ZNF106: variants seen among roughly 807,000 people sequenced by gnomAD.
The protein encoded by ZNF106 is zinc finger protein 106.
In ZNF106, 67 loss-of-function variants were observed where a neutral mutation model predicts 195.1. The ratio of observed to expected loss-of-function variants is 0.34; its 90% CI spans 0.28 to 0.42. The LOEUF is 0.42. ZNF106 is among the 10% of genes least tolerant of loss of function. ZNF106 has a pLI of 1.00. For synonymous variants in ZNF106, 784 were observed against 818.6 expected (o/e 0.96, Z 0.72); for missense variants, 2,118 against 2,304.5 (o/e 0.92, Z 1.66).
chr15:42,430,950 T>G (rs570584130), intron 14 of ZNF106, among the ~76,000 whole-genome samples: 1 of 152,002 alleles, frequency 6.6e-6, no homozygotes, highest in Non-Finnish European at 1.5e-5. Flanking sequence ...CAGCCTCTTT[T>G]TCTAGTTTCT....
chr15:42,418,357 CTTTT>C (rs540271844), intron 20 of ZNF106, among the ~76,000 whole-genome samples: 14 of 122,868 alleles, frequency 1.1e-4, no homozygotes, highest in Admixed American at 1.6e-4. Context: ...ATCGAAAGGG[CTTTT>C]TTTTTTTTTT....
chr15:42,485,937 A>C (rs1466520277), intron 1 of ZNF106, among the ~76,000 whole-genome samples: 1 of 151,424 alleles, frequency 6.6e-6, no homozygotes, highest in Non-Finnish European at 1.5e-5. Flanking sequence ...AATTAGGCAA[A>C]TATCCTGTTT....
Position 42,425,013 on chromosome 15 carries a change from G to C in ZNF106, c.5011C>G (p.Leu1671Val). Residue 1671 changes from leucine (L) to valine (V), a missense_variant, in exon 16 of 22, where the codon CTT becomes GTT. Physicochemically the swap from Leu to Val is conservative, Grantham distance 32. Coordinates refer to ENST00000564754, the MANE Select transcript of ZNF106 (RefSeq NM_001366845.3). ...GGGCCATGGCATTCAAAGATCTCAA[G>C]TCGTTTGTTGTTCTGGAAAATAAGC... The part of the protein sequence containing the change: ...VTFNIKNNKR[L>V]EIFECHGPRA... 6.2e-7 allele frequency: 1 copy of C among 1,613,856 alleles called. No individual in the cohort carries two copies. The highest frequency in any genetic ancestry group is 8.5e-7 in the Non-Finnish European group (1 of 1,179,824).
chr15:42,419,829 G>C (rs1365133403), intron 20 of ZNF106, among the ~76,000 whole-genome samples: 1 of 151,826 alleles, frequency 6.6e-6, no homozygotes, highest in African/African-American at 2.4e-5. Context: ...GGGCGCCTGT[G>C]TTCCCAGCTA....
intron 15 of ZNF106, among the ~76,000 whole-genome samples, chr15:42,426,692 C>T (rs1453181651): frequency 6.6e-6 from 1 of 151,802 alleles, no homozygotes; most frequent in Non-Finnish European, 1.5e-5. Flanking sequence ...GCATGAGCCA[C>T]CATACCCATC....
At chr15:42,437,952 T>C (rs12442040) in intron 12 of ZNF106, among the ~76,000 whole-genome samples, 43,116 of 150,900 alleles carry the variant, frequency 0.29, 9,296 homozygotes, top group African/African-American at 0.6. Context: ...TTGGAAGGTA[T>C]CCAATCTCTC....
chr15:42,435,303 T>C, intron 14 of ZNF106, 81 bp downstream of exon 14: 1 of 1,569,826 alleles, frequency 6.4e-7, no homozygotes, highest in Admixed American at 1.8e-5. Flanking sequence ...ATGAAGCGTC[T>C]GCCACAGTGT....
intron 7 of ZNF106, among the ~76,000 whole-genome samples, chr15:42,446,194 C>T (rs1180072497): frequency 1.3e-5 from 2 of 152,108 alleles, no homozygotes; most frequent in African/African-American, 2.4e-5. Context: ...AGCAAGGCAA[C>T]AAAAATGTCC....
At chr15:42,428,307 A>G (rs983990802) in intron 14 of ZNF106, among the ~76,000 whole-genome samples, 173 bp from the exon 15 acceptor site, 1 of 152,228 alleles carries the variant, frequency 6.6e-6, no homozygotes, top group Non-Finnish European at 1.5e-5. Context: ...TATGAGGCCT[A>G]AGACTTCCAA....
At chr15:42,453,917 G>C (rs2056138241) in intron 4 of ZNF106, among the ~76,000 whole-genome samples, 2 of 152,130 alleles carry the variant, frequency 1.3e-5, no homozygotes, top group African/African-American at 4.8e-5. Flanking sequence ...ATGAGAAATT[G>C]AGCAGTAGAG....
At chr15:42,422,034 C>A in intron 18 of ZNF106, 46 bp from the exon 19 acceptor site, 1 of 1,519,948 alleles carries the variant, frequency 6.6e-7, no homozygotes, top group Non-Finnish European at 8.9e-7. Context: ...TTATACCTTG[C>A]GTTTAATAAG....
Position 42,451,069 on chromosome 15 carries a change from A to T in ZNF106, c.1203T>A (p.Pro401=). The change falls in exon 5 of 22, where the codon CCT becomes CCA. Residue 401 remains proline (P), a synonymous_variant. Transcript: ENST00000564754. ...TAGTTATCAAGCTAAAATCAAAGAG[A>T]GGTTTCTCTATCATTTCTGACTTGT... The part of the protein sequence containing the change: ...TGNKSEMIEK[P]LFDFSLITTG... 1.2e-6 allele frequency: 2 copies of T among 1,614,206 alleles called. No homozygotes were observed. Among genetic ancestry groups the T allele is most frequent in the Non-Finnish European group, 1.7e-6 (2 of 1,180,032 alleles).
At chr15:42,467,573 T>C (rs1176707376) in intron 2 of ZNF106, among the ~76,000 whole-genome samples, 1 of 151,720 alleles carries the variant, frequency 6.6e-6, no homozygotes, top group Admixed American at 6.6e-5. Context: ...AGGTGGATCA[T>C]GTGGTCGAGT....
chr15:42,434,420 A>C (rs1365067376), intron 14 of ZNF106, among the ~76,000 whole-genome samples: 1 of 152,174 alleles, frequency 6.6e-6, no homozygotes, highest in Non-Finnish European at 1.5e-5. Flanking sequence ...GATGCACACT[A>C]AAGTTGTGAG....
intron 2 of ZNF106, among the ~76,000 whole-genome samples, chr15:42,471,731 CAAA>C (rs980540581): frequency 6.6e-6 from 1 of 151,108 alleles, no homozygotes; most frequent in African/African-American, 2.4e-5. Context: ...GTCTCCATTT[CAAA>C]AAAAAAGTTT....
At position 42,444,195 on chromosome 15, in the gene ZNF106, T is replaced by C; in HGVS notation, c.3421+7A>G. The C allele has an allele frequency of 1.2e-6, 2 of 1,603,382 alleles. No individual in the cohort carries two copies. Among genetic ancestry groups the C allele is most frequent in the South Asian group, 2.2e-5 (2 of 90,500 alleles). ...AGGGCCCAATCCATCAGATGCCCTC[T>C]GAATACCTTGTAATCCCTGTAGAAT... On this transcript the variant is annotated splice_region_variant and intron_variant, in intron 9 of 21. Coordinates refer to ENST00000564754, the MANE Select transcript of ZNF106 (RefSeq NM_001366845.3).
At chr15:42,483,068 A>G (rs549191842) in intron 1 of ZNF106, among the ~76,000 whole-genome samples, 81 of 152,298 alleles carry the variant, frequency 5.3e-4, no homozygotes, top group African/African-American at 1.9e-3. Flanking sequence ...AGCACCCTAC[A>G]TGACATAGAT....
At chr15:42,430,743 T>C (rs1006383900) in intron 14 of ZNF106, among the ~76,000 whole-genome samples, 1 of 152,044 alleles carries the variant, frequency 6.6e-6, no homozygotes, top group Admixed American at 6.5e-5. Context: ...TGTCCTATCT[T>C]AAGTTACGGC....
At chr15:42,466,026 A>G in intron 3 of ZNF106, 27 bp downstream of exon 3, 2 of 1,520,984 alleles carry the variant, frequency 1.3e-6, no homozygotes, top group South Asian at 1.2e-5. Context: ...ACATTCACAA[A>G]CTTATGGAAG....
Sources: allele counts gnomAD v4.1 joint callset (sites outside exome capture counted in the v4.1 genomes callset), GRCh38; gene constraint gnomAD v4.1.1; transcripts MANE v1.5; gene names NCBI Gene and HGNC (gene_info 2026-07-23, HGNC 2026-07-21).